Variants in IMPG2 observed in about 807,000 individuals in gnomAD.
The protein encoded by IMPG2 is IPM 200.
IMPG2 carries 91 observed loss-of-function variants against 129.2 expected under a neutral mutation model. The ratio of observed to expected loss-of-function variants is 0.70; its 90% CI spans 0.59 to 0.84. The LOEUF is 0.84. Among genes scored for constraint, IMPG2 ranks in the 40% least tolerant of loss-of-function variants. The pLI, the probability that IMPG2 is intolerant of heterozygous loss-of-function variation, is 0.00. For synonymous variants in IMPG2, 510 were observed against 517.7 expected (o/e 0.99, Z 0.20); for missense variants, 1,430 against 1,461.7 (o/e 0.98, Z 0.35).
At position 101,257,054 on chromosome 3, in the gene IMPG2, T is replaced by A. The variant is rs938953956; in HGVS notation, c.1153+475A>T. Among the ~76,000 whole-genome samples, 5 of 152,192 alleles carry A rather than the reference T, an allele frequency of 3.3e-5. No homozygotes were observed. The South Asian group carries it at 8.3e-4, about 25-fold the overall frequency. Reference sequence around the variant, plus strand: ...CAGCAATCTGAATTTAAAGTCAGTATTGAATTATCTGAGATTCTGCATGGC... The same window carrying A: ...CAGCAATCTGAATTTAAAGTCAGTAATGAATTATCTGAGATTCTGCATGGC... On this transcript the variant is annotated intron_variant, in intron 10 of 18. Coordinates refer to ENST00000193391, the MANE Select transcript of IMPG2 (RefSeq NM_016247.4).
intron 18 of IMPG2, 126 bp downstream of exon 18, chr3:101,228,671 A>G: frequency 2.6e-6 from 2 of 759,554 alleles, no homozygotes; most frequent in Admixed American, 4.1e-5. Context: ...AACTCAACAA[A>G]TGTTGGTTAT....
chr3:101,243,835 A>C lies in IMPG2; in HGVS notation c.2496T>G (p.Ile832Met). The change falls in exon 13 of 19, where the codon ATT becomes ATG. Residue 832 changes from isoleucine to methionine, a missense_variant. Transcript: ENST00000193391. ...TISTLLEDEV[I>M]MGVQDISLEL... ...CTAACGAAATATCCTGTACACCCAT[A>C]ATTACTTCATCCTCTAGCAGGGTGG... The C allele has an allele frequency of 6.2e-7, 1 of 1,614,112 alleles. No individual in the cohort carries two copies. The highest frequency in any genetic ancestry group is 8.5e-7 in the Non-Finnish European group (1 of 1,180,002).
chr3:101,225,234 G>A lies in IMPG2; in HGVS notation c.*1735C>T, dbSNP rs1706207587. The A allele has an allele frequency of 1.3e-5, 2 of 152,228 alleles. No homozygotes were observed. 9.4% of individuals were successfully genotyped at this position (152,228 alleles called of 1,614,324 possible). A position where few individuals can be genotyped will look rare whatever the true frequency, so the allele number is the denominator to read the frequency against. ...ACTTTTCAAATGGGCCCAGTGGAAA[G>A]TGTCTAATTATCCAATATTAAGACT... is the stretch of plus-strand genomic sequence containing the variant. On this transcript the variant is annotated 3_prime_UTR_variant, in exon 19 of 19. Transcript: ENST00000193391.
At chr3:101,300,349 G>A (rs1707126824) in intron 3 of IMPG2, among the ~76,000 whole-genome samples, 1 of 152,242 alleles carries the variant, frequency 6.6e-6, no homozygotes, top group Non-Finnish European at 1.5e-5. Flanking sequence ...CAGTCCCAGT[G>A]TTGGCTGTAG....
intron 9 of IMPG2, among the ~76,000 whole-genome samples, chr3:101,263,768 T>C (rs1706693969): frequency 6.6e-6 from 1 of 151,194 alleles, no homozygotes; most frequent in African/African-American, 2.4e-5. Context: ...AACAAACAGC[T>C]GATTTTTTGA....
At chr3:101,261,033 A>T (rs1706663839) in intron 9 of IMPG2, among the ~76,000 whole-genome samples, 1 of 152,168 alleles carries the variant, frequency 6.6e-6, no homozygotes, top group African/African-American at 2.4e-5. Context: ...TAACAGAGCA[A>T]TTTTTAACCC....
At chr3:101,234,968 T>C (rs771572995) in intron 14 of IMPG2, among the ~76,000 whole-genome samples, 4 of 152,258 alleles carry the variant, frequency 2.6e-5, no homozygotes, top group Non-Finnish European at 5.9e-5. Context: ...TATTTGCCTT[T>C]ACATAATGAG....
chr3:101,241,923 G>A (rs1412100006), intron 14 of IMPG2, among the ~76,000 whole-genome samples: 1 of 152,038 alleles, frequency 6.6e-6, no homozygotes, highest in Admixed American at 6.6e-5. Context: ...AAGCTACTCG[G>A]GAGGCTGAGG....
intron 2 of IMPG2, among the ~76,000 whole-genome samples, chr3:101,307,959 T>C (rs2107140136): frequency 6.6e-6 from 1 of 152,290 alleles, no homozygotes; most frequent in Non-Finnish European, 1.5e-5. Context: ...AATACACCTG[T>C]TGCAAATGGG....
intron 14 of IMPG2, among the ~76,000 whole-genome samples, chr3:101,239,210 A>G (rs1706379980): frequency 6.6e-6 from 1 of 152,184 alleles, no homozygotes; most frequent in Admixed American, 6.5e-5. Flanking sequence ...AATATCCAGA[A>G]TCTACAAGGA....
Position 101,231,108 on chromosome 3 carries a change from G to C in IMPG2, c.3271C>G (p.His1091Asp). 1.9e-6 allele frequency: 3 copies of C among 1,614,138 alleles called. No individual in the cohort carries two copies. The highest frequency in any genetic ancestry group is 2.2e-5 in the South Asian group (2 of 91,084). ...GGCTCAGACACAAATTCCTCACAGT[G>C]CTTGCCTCGGTACCACCAGTTCTCA... Reference protein sequence around the residue: ...VGENWWYRGKHCEEFVSEPVI... With the variant: ...VGENWWYRGKDCEEFVSEPVI... Residue 1091 changes from histidine (H) to aspartate (D), a missense_variant, in exon 16 of 19, where the codon CAC (histidine) becomes GAC (aspartate). Coordinates refer to ENST00000193391, the MANE Select transcript of IMPG2 (RefSeq NM_016247.4).
At position 101,226,253 on chromosome 3, in the gene IMPG2, A is replaced by ATATATATATATATATATATATT; in HGVS notation, c.*715_*716insAATATATATATATATATATATA. On this transcript the variant is annotated 3_prime_UTR_variant, in exon 19 of 19. Coordinates refer to ENST00000193391, the MANE Select transcript of IMPG2 (RefSeq NM_016247.4). ...TATATATATATATATATATATATATATATATATATATATATATATATATAT... is the reference window on the plus strand; with the variant it reads ...TATATATATATATATATATATATATATATATATATATATATATATATTTATATATATATATATATATATATAT... The ATATATATATATATATATATATT allele has an allele frequency of 3.7e-5, 1 of 27,020 alleles. No individual in the cohort carries two copies. Among genetic ancestry groups the ATATATATATATATATATATATT allele is most frequent in the African/African-American group, 1.0e-4 (1 of 9,576 alleles). The allele number at this position is 27,020 out of a possible 1,614,324, so 1.7% of individuals were successfully genotyped here.
At chr3:101,259,428 C>T (rs1472675114) in intron 9 of IMPG2, among the ~76,000 whole-genome samples, 1 of 151,824 alleles carries the variant, frequency 6.6e-6, no homozygotes, top group African/African-American at 2.4e-5. Flanking sequence ...CTTATATATT[C>T]TTATCTACTT....
intron 11 of IMPG2, among the ~76,000 whole-genome samples, chr3:101,253,141 A>G (rs1053047758): frequency 6.6e-6 from 1 of 152,124 alleles, no homozygotes; most frequent in Non-Finnish European, 1.5e-5. Context: ...AGGAAAGTTC[A>G]TCCCATGCTG....
At position 101,257,980 on chromosome 3, in the gene IMPG2, A is replaced by G. The variant is rs562626573; in HGVS notation, c.909-207T>C. 3.9e-5 allele frequency among the ~76,000 whole-genome samples: 6 copies of G among 152,144 alleles called. No homozygotes were observed. The South Asian group carries it at 1.2e-3, about 32-fold the overall frequency. ...AGGGGTCATAGCTCTAAGAATAGGG[A>G]AAAGAATTCTAAGGAGGCCACAGAG... On this transcript the variant is annotated intron_variant, in intron 9 of 18. Coordinates refer to ENST00000193391, the MANE Select transcript of IMPG2 (RefSeq NM_016247.4).
At position 101,243,814 on chromosome 3, in the gene IMPG2, C is replaced by A. The variant is rs765258879; in HGVS notation, c.2517G>T (p.Ser839=). ...DEVIMGVQDI[S]LELDRIGTDY... is the part of the protein sequence containing the mutation. ...CTGTGCCTATCCGGTCCAGTTCTAA[C>A]GAAATATCCTGTACACCCATAATTA... The change falls in exon 13 of 19, where the codon TCG becomes TCT. Residue 839 remains serine, a synonymous_variant. Coordinates refer to ENST00000193391, the MANE Select transcript of IMPG2 (RefSeq NM_016247.4). 1.2e-6 allele frequency: 2 copies of A among 1,614,144 alleles called. No individual in the cohort carries two copies. Among genetic ancestry groups the A allele is most frequent in the East Asian group, 2.2e-5 (1 of 44,880 alleles).
Position 101,226,624 on chromosome 3 carries a change from G to T in IMPG2, c.*345C>A, listed in dbSNP as rs886057684. On this transcript the variant is annotated 3_prime_UTR_variant, in exon 19 of 19. Coordinates refer to ENST00000193391, the MANE Select transcript of IMPG2 (RefSeq NM_016247.4). ...ACCTTATTTTCCTATTGAAAAACCCGAGGCACAGTTCTTAGGAGACACCCC... is the reference window on the plus strand; with the variant it reads ...ACCTTATTTTCCTATTGAAAAACCCTAGGCACAGTTCTTAGGAGACACCCC... 4.4e-6 allele frequency: 1 copy of T among 227,964 alleles called. No homozygotes were observed. Among genetic ancestry groups the T allele is most frequent in the Admixed American group, 5.2e-5 (1 of 19,076 alleles). 14.1% of individuals were successfully genotyped at this position (227,964 alleles called of 1,614,324 possible). A position where few individuals can be genotyped will look rare whatever the true frequency, so the allele number is the denominator to read the frequency against.
intron 2 of IMPG2, among the ~76,000 whole-genome samples, chr3:101,319,295 C>A (rs1181093625): frequency 6.6e-6 from 1 of 152,072 alleles, no homozygotes; most frequent in Non-Finnish European, 1.5e-5. Flanking sequence ...GCACCAAAAG[C>A]TACAAACTCA....
intron 4 of IMPG2, among the ~76,000 whole-genome samples, chr3:101,288,839 G>T (rs889684890): frequency 2.6e-5 from 4 of 152,016 alleles, no homozygotes; most frequent in Admixed American, 2.6e-4. Context: ...TCATCCTTTC[G>T]AATTGATTTC....
Sources: gnomAD v4.1 joint callset for allele counts (sites outside exome capture counted in the v4.1 genomes callset) on GRCh38, gnomAD v4.1.1 for gene constraint, MANE v1.5 for transcripts, NCBI Gene and HGNC (gene_info 2026-07-23, HGNC 2026-07-21) for gene names.